RNF123: variants seen among roughly 807,000 people sequenced by gnomAD.
RNF123 encodes E3 ubiquitin-protein ligase RNF123.
A neutral mutation model predicts 168.5 loss-of-function variants in RNF123; 86 were observed. That is an observed-to-expected ratio of 0.51 (90% CI 0.43 to 0.61). The LOEUF (loss-of-function observed/expected upper bound fraction) is 0.61, where lower values mean the gene tolerates loss of function less well. RNF123 is among the 20% of genes least tolerant of loss of function. The probability of loss-of-function intolerance (pLI) is 0.00; values close to 1 mark genes in which losing one functional copy is unlikely to be tolerated. For synonymous variants in RNF123, 666 were observed against 689.1 expected (o/e 0.97, Z 0.52); for missense variants, 1,419 against 1,729.7 (o/e 0.82, Z 3.19).
At chr3:49,715,762 G>C (rs2080229839) in intron 32 of RNF123, 48 bp downstream of exon 32, 4 of 1,614,104 alleles carry the variant, frequency 2.5e-6, no homozygotes, top group Non-Finnish European at 3.4e-6. Context: ...AAGGGATGAG[G>C]CCTGGTCCTG....
In RNF123 at chr3:49,700,208, G is replaced by A. The variant is rs749019689; in HGVS notation, c.985-19G>A. 6.2e-7 allele frequency: 1 copy of A among 1,613,776 alleles called. No homozygotes were observed. Among genetic ancestry groups the A allele is most frequent in the Non-Finnish European group, 8.5e-7 (1 of 1,179,922 alleles). On this transcript the variant is annotated intron_variant, in intron 12 of 38. Coordinates refer to ENST00000327697, the MANE Select transcript of RNF123 (RefSeq NM_022064.5). ...AGAGTGGAAGGCCACCACCTCACCAGTGCCTGGCCTTGGTGCAGCGCAAGG... is the reference window on the plus strand; with the variant it reads ...AGAGTGGAAGGCCACCACCTCACCAATGCCTGGCCTTGGTGCAGCGCAAGG...
At chr3:49,698,726 G>A (rs2054317861) in intron 8 of RNF123, 29 bp from the exon 9 acceptor site, 1 of 1,609,558 alleles carries the variant, frequency 6.2e-7, no homozygotes, top group Admixed American at 1.7e-5. Flanking sequence ...GGGCTTCTGT[G>A]CATCTGGTGA....
At position 49,700,285 on chromosome 3, in the gene RNF123, A is replaced by C. The variant is rs781219950; in HGVS notation, c.1043A>C (p.Lys348Thr). ...LMSFLLGIVEKGTPTQAQSVV... is the reference protein window; with the variant it reads ...LMSFLLGIVETGTPTQAQSVV... ...AGCTTCTTGCTGGGCATCGTGGAGA[A>C]GGGCACACCCACACAGGCACAGTCC... The change falls in exon 13 of 39, where the codon AAG (lysine) becomes ACG (threonine). Residue 348 changes from lysine (K) to threonine (T), a missense_variant. By Grantham distance (78) the Lys-to-Thr change is moderately conservative. This residue lies in a region of RNF123 where 349 missense variants were observed against 344.9 expected (regional missense o/e 1.01). Coordinates refer to ENST00000327697, the MANE Select transcript of RNF123 (RefSeq NM_022064.5). The C allele has an allele frequency of 3.1e-6, 5 of 1,614,210 alleles. No individual in the cohort carries two copies. In the South Asian group the frequency reaches 4.4e-5, roughly 14 times the overall value.
rs2080184044 is a variant in RNF123 at position 49,713,601 on chromosome 3, A to G, written c.2749+14A>G. On this transcript the variant is annotated intron_variant, in intron 28 of 38. Coordinates refer to ENST00000327697, the MANE Select transcript of RNF123 (RefSeq NM_022064.5). ...TTGTGGGCACTGGTGAGGGGCCCCT[A>G]CAGAGGGTACAGGGGGAGGGGGATG... 1 of 1,608,940 alleles carries G rather than the reference A, an allele frequency of 6.2e-7. No homozygotes were observed. The highest frequency in any genetic ancestry group is 1.7e-5 in the Admixed American group (1 of 59,150).
At position 49,691,151 on chromosome 3, in the gene RNF123, C is replaced by A. The variant is rs1051394449; in HGVS notation, c.-15C>A. The A allele has an allele frequency of 8.7e-6, 14 of 1,612,818 alleles. No individual in the cohort carries two copies. In the African/African-American group the frequency reaches 1.6e-4, roughly 18 times the overall value. On this transcript the variant is annotated 5_prime_UTR_variant, in exon 2 of 39. Coordinates refer to ENST00000327697, the MANE Select transcript of RNF123 (RefSeq NM_022064.5). ...TCAGCCCCCAGGACCACTGGCTGCC[C>A]ATGAGAGATGAAGGATGGCATCCAA... is the stretch of plus-strand genomic sequence containing the variant.
At chr3:49,694,379 C>T (rs767145335) in intron 3 of RNF123, among the ~76,000 whole-genome samples, 70 of 152,304 alleles carry the variant, frequency 4.6e-4, no homozygotes, top group Non-Finnish European at 6.5e-4. Context: ...AATGTTATCC[C>T]GTGAGTATTT....
intron 22 of RNF123, 93 bp from the exon 23 acceptor site, chr3:49,704,891 T>C: frequency 1.4e-6 from 2 of 1,396,248 alleles, no homozygotes; most frequent in East Asian, 2.5e-5. Flanking sequence ...TTGCTGTGGG[T>C]GGAGGCATGG....
chr3:49,714,286 T>C lies in RNF123; in HGVS notation c.3010+112T>C, dbSNP rs548110368. 1.6e-4 allele frequency: 157 copies of C among 964,202 alleles called. No homozygotes were observed. In the Middle Eastern group the frequency reaches 1.8e-3, roughly 11 times the overall value. The allele number at this position is 964,202 out of a possible 1,614,324, so 59.7% of individuals were successfully genotyped here. ...TTCCAGCCCCTCTCTGGTTCCCCCA[T>C]TGGGTCCCAGACTCCCTACGTGTCC... On this transcript the variant is annotated intron_variant, in intron 31 of 38. Coordinates refer to ENST00000327697, the MANE Select transcript of RNF123 (RefSeq NM_022064.5).
In RNF123 at chr3:49,715,841, G is replaced by A. The variant is rs768038976; in HGVS notation, c.3170G>A (p.Arg1057His). 1.1e-5 allele frequency: 18 copies of A among 1,613,986 alleles called. No individual in the cohort carries two copies. The highest frequency in any genetic ancestry group is 6.7e-5 in the East Asian group (3 of 44,898). ...MIQEIQQAAE[R>H]LERNFVDSRQ... ...GCTCAGATCCAGCAGGCTGCTGAGCGCCTGGAGCGGAACTTTGTGGACAGC... is the reference window on the plus strand; with the variant it reads ...GCTCAGATCCAGCAGGCTGCTGAGCACCTGGAGCGGAACTTTGTGGACAGC... Residue 1057 changes from arginine to histidine, a missense_variant, in exon 33 of 39, where the codon CGC (arginine) becomes CAC (histidine). Physicochemically the swap from Arg to His is conservative, Grantham distance 29 (BLOSUM62 0). This residue lies in a region of RNF123 where 538 missense variants were observed against 708.8 expected (regional missense o/e 0.76). Coordinates refer to ENST00000327697, the MANE Select transcript of RNF123 (RefSeq NM_022064.5).
At chr3:49,701,265 A>G (rs1227028171) in intron 15 of RNF123, among the ~76,000 whole-genome samples, 1 of 152,232 alleles carries the variant, frequency 6.6e-6, no homozygotes, top group Non-Finnish European at 1.5e-5. Flanking sequence ...TGTTCCTGTG[A>G]CAAGCCCTTA....
At chr3:49,702,048 G>A (rs1332156875) in intron 17 of RNF123, 35 bp from the exon 18 acceptor site, 3 of 1,608,892 alleles carry the variant, frequency 1.9e-6, no homozygotes, top group East Asian at 4.5e-5. Flanking sequence ...CCATCTCCTG[G>A]AGCCTGAGGG....
intron 21 of RNF123, 84 bp downstream of exon 21, chr3:49,703,612 C>T: frequency 1.8e-6 from 2 of 1,132,768 alleles, no homozygotes; most frequent in South Asian, 2.8e-5. Context: ...GGATGCTGAG[C>T]CATCCTATGG....
intron 20 of RNF123, 60 bp from the exon 21 acceptor site, chr3:49,703,367 G>C: frequency 1.4e-6 from 2 of 1,387,886 alleles, no homozygotes; most frequent in Non-Finnish European, 2.0e-6. Flanking sequence ...GGGGAGGGCT[G>C]TGGGGAGGGT....
chr3:49,691,671 C>T (rs529620090), intron 3 of RNF123, among the ~76,000 whole-genome samples, 162 bp downstream of exon 3: 3 of 152,244 alleles, frequency 2.0e-5, no homozygotes, highest in Admixed American at 6.5e-5. Flanking sequence ...GTCTGCCTTC[C>T]GTACTCTGCT....
intron 35 of RNF123, chr3:49,718,081 C>G (rs766967221): frequency 1.2e-6 from 2 of 1,613,600 alleles, no homozygotes; most frequent in South Asian, 2.2e-5. Context: ...ATTGAGGCCC[C>G]TCCGGCCTGG....
At chr3:49,698,330 A>T in intron 7 of RNF123, 110 bp from the exon 8 acceptor site, 2 of 1,024,338 alleles carry the variant, frequency 2.0e-6, no homozygotes, top group Non-Finnish European at 3.0e-6. Flanking sequence ...TTTCCCTCAG[A>T]TCATCTGTTC....
intron 8 of RNF123, 83 bp downstream of exon 8, chr3:49,698,609 T>G (rs770307363): frequency 8.4e-6 from 13 of 1,553,064 alleles, no homozygotes; most frequent in Non-Finnish European, 1.2e-5. Flanking sequence ...CATAAGGGAC[T>G]ACAGGGCACC....
intron 35 of RNF123, chr3:49,719,559 C>T (rs939235447): frequency 9.3e-5 from 104 of 1,116,318 alleles, no homozygotes; most frequent in Non-Finnish European, 1.2e-4. Context: ...TGGGTGGCAC[C>T]GGATGGCCCT....
At chr3:49,712,686 G>A in intron 27 of RNF123, 30 bp downstream of exon 27, 2 of 1,613,070 alleles carry the variant, frequency 1.2e-6, no homozygotes, top group South Asian at 1.1e-5. Context: ...TGAGGCAGAA[G>A]CAGAAAAGGG....
Sources: gnomAD v4.1 joint callset for allele counts (sites outside exome capture counted in the v4.1 genomes callset) on GRCh38, gnomAD v4.1.1 for gene constraint, gnomAD v4.1.1 regional missense constraint, MANE v1.5 for transcripts, NCBI Gene and HGNC (gene_info 2026-07-23, HGNC 2026-07-21) for gene names.